The following KLHL29 variants were observed in gnomAD, a reference collection of about 807,000 sequenced individuals.
KLHL29 encodes kelch like family member 29.
In KLHL29, 21 loss-of-function variants were observed where a neutral mutation model predicts 80.4. That is an observed-to-expected ratio of 0.26 (90% confidence interval 0.19 to 0.38). The LOEUF is 0.38. KLHL29 is among the 10% of genes least tolerant of loss of function. The pLI is 1.00. For synonymous variants in KLHL29, 511 were observed against 526.8 expected (o/e 0.97, Z 0.41); for missense variants, 867 against 1,223.9 (o/e 0.71, Z 4.35).
chr2:23,693,457 A>G lies in KLHL29; in HGVS notation c.1471A>G (p.Thr491Ala). Residue 491 changes from threonine (T) to alanine (A), a missense_variant, in exon 8 of 14, where the codon ACC becomes GCC. By Grantham distance (58) the Thr-to-Ala change is moderately conservative (BLOSUM62 0). Around this residue, in one of 2 missense-constraint regions of KLHL29, gnomAD observed 443 missense variants for 767.0 expected, o/e 0.58. Transcript: ENST00000486442. Reference sequence around the variant, plus strand: ...CTACGTCTCCAACGACAGCCTCAACACCAAGGCTGAGGAGCTGGTGTACGA... The same window carrying G: ...CTACGTCTCCAACGACAGCCTCAACGCCAAGGCTGAGGAGCTGGTGTACGA... ...IAYVSNDSLN[T>A]KAEELVYETV... 6.4e-7 allele frequency: 1 copy of G among 1,551,590 alleles called. No homozygotes were observed. The highest frequency in any genetic ancestry group is 8.7e-7 in the Non-Finnish European group (1 of 1,146,920).
intron 2 of KLHL29, among the ~76,000 whole-genome samples, chr2:23,539,524 C>A (rs897430728): frequency 6.6e-6 from 1 of 150,406 alleles, no homozygotes; most frequent in Non-Finnish European, 1.5e-5. Context: ...TCACTGTAAC[C>A]TCCGCCTCCC....
intron 2 of KLHL29, among the ~76,000 whole-genome samples, chr2:23,506,277 C>T (rs1268595702): frequency 1.3e-5 from 2 of 152,162 alleles, no homozygotes; most frequent in African/African-American, 2.4e-5. Flanking sequence ...CTTATCTTCG[C>T]GAAGTTGAAG....
intron 3 of KLHL29, among the ~76,000 whole-genome samples, chr2:23,580,275 G>A (rs1466357945): frequency 1.3e-5 from 2 of 152,122 alleles, no homozygotes; most frequent in African/African-American, 4.8e-5. Context: ...TGGAGGCTGA[G>A]GCAGGAGAAT....
At chr2:23,683,491 T>C (rs1328726234) in intron 5 of KLHL29, among the ~76,000 whole-genome samples, 2 of 152,196 alleles carry the variant, frequency 1.3e-5, no homozygotes, top group African/African-American at 4.8e-5. Context: ...ACAGGGTGAC[T>C]GGCAGGCTCT....
In KLHL29 at chr2:23,503,323, C is replaced by T. The variant is rs1205640549; in HGVS notation, c.-46+27656C>T. Among the ~76,000 whole-genome samples the T allele has an allele frequency of 6.6e-6, 1 of 152,106 alleles. No homozygotes were observed. Among genetic ancestry groups the T allele is most frequent in the African/African-American group, 2.4e-5 (1 of 41,418 alleles). On this transcript the variant is annotated intron_variant, in intron 2 of 13. Coordinates refer to ENST00000486442, the MANE Select transcript of KLHL29 (RefSeq NM_052920.2). The surrounding 1 kb of genome is among the most constrained non-coding windows in gnomAD (Gnocchi z 4.0). Reference sequence around the variant, plus strand: ...CTGTGTCTCGGTTGCCCCATCTGAGCGAGAGGCTGGACTAAAAGGTCACTA... The same window carrying T: ...CTGTGTCTCGGTTGCCCCATCTGAGTGAGAGGCTGGACTAAAAGGTCACTA...
intron 1 of KLHL29, among the ~76,000 whole-genome samples, chr2:23,458,670 T>C (rs1446925349): frequency 6.6e-6 from 1 of 152,234 alleles, no homozygotes; most frequent in Non-Finnish European, 1.5e-5. Flanking sequence ...CTGCTTTTGT[T>C]GGCATCAGAA....
chr2:23,476,145 G>A (rs747110133), intron 2 of KLHL29, among the ~76,000 whole-genome samples: 8 of 152,018 alleles, frequency 5.3e-5, no homozygotes, highest in African/African-American at 1.9e-4. Context: ...AAAGCGCTGC[G>A]ATTGTAGGCG....
chr2:23,409,504 T>C lies in KLHL29; in HGVS notation c.-154+23724T>C, dbSNP rs190909038. Among the ~76,000 whole-genome samples the C allele has an allele frequency of 5.3e-5, 8 of 152,346 alleles. No homozygotes were observed. In the East Asian group the frequency reaches 1.5e-3, roughly 29 times the overall value. ...TTACTCTTTGCTTTTTATGCCAGTT[T>C]GGGAAGGTTGTTTTTCTCCCACTTG... On this transcript the variant is annotated intron_variant, in intron 1 of 13. Coordinates refer to ENST00000486442, the MANE Select transcript of KLHL29 (RefSeq NM_052920.2).
intron 2 of KLHL29, among the ~76,000 whole-genome samples, chr2:23,542,358 G>T (rs962544181): frequency 2.0e-5 from 3 of 152,096 alleles, no homozygotes; most frequent in African/African-American, 7.2e-5. Context: ...CAGATGAGAG[G>T]GCTCCATCTG....
chr2:23,402,047 G>A lies in KLHL29; in HGVS notation c.-154+16267G>A, dbSNP rs116349237. Among the ~76,000 whole-genome samples the A allele has an allele frequency of 7.6e-3, 1,154 of 152,262 alleles. 4 individuals carry two copies. The highest frequency in any genetic ancestry group is 0.013 in the Non-Finnish European group (882 of 68,022). The stretch of plus-strand genomic sequence containing the variant: ...GGCACATTTTGCACTTTCAACAGTC[G>A]AGGGGCAGAAAAAGAGAATTACCAT... On this transcript the variant is annotated intron_variant, in intron 1 of 13. Coordinates refer to ENST00000486442, the MANE Select transcript of KLHL29 (RefSeq NM_052920.2).
At chr2:23,667,265 G>A (rs1180814402) in intron 5 of KLHL29, 1 of 152,242 alleles carries the variant, frequency 6.6e-6, no homozygotes, top group Non-Finnish European at 1.5e-5. Context: ...TCTTTGAGCT[G>A]TCGTTCCTTA....
chr2:23,581,828 CAA>C (rs58233449), intron 3 of KLHL29, among the ~76,000 whole-genome samples: 2 of 82,896 alleles, frequency 2.4e-5, no homozygotes, highest in Non-Finnish European at 4.4e-5. Context: ...AACTCTGCCT[CAA>C]AAAAAAAAAA....
chr2:23,575,390 C>A (rs1188651671), intron 3 of KLHL29, among the ~76,000 whole-genome samples: 1 of 152,222 alleles, frequency 6.6e-6, no homozygotes, highest in Non-Finnish European at 1.5e-5. Flanking sequence ...CAGTCAGCAA[C>A]CATTCTAAGA....
chr2:23,523,320 C>G (rs1666165734), intron 2 of KLHL29, among the ~76,000 whole-genome samples: 1 of 152,222 alleles, frequency 6.6e-6, no homozygotes, highest in Admixed American at 6.5e-5. Context: ...TATGATCCTT[C>G]CTCTATTCTA....
rs186090203 is a variant in KLHL29, at chr2:23,681,191, G to A, written c.941-3208G>A. Among the ~76,000 whole-genome samples, 32 of 152,332 alleles carry A rather than the reference G, an allele frequency of 2.1e-4. No individual in the cohort carries two copies. Among genetic ancestry groups the A allele is most frequent in the Non-Finnish European group, 4.1e-4 (28 of 68,028 alleles). On this transcript the variant is annotated intron_variant, in intron 5 of 13. Transcript: ENST00000486442. This position sits in a 1 kb window ranked among gnomAD's most constrained non-coding sequence, Gnocchi z 4.2. ...AGCAGCCCGCACACACCAGCCAATC[G>A]ATACTAGGAATGCACTTGGGGCCTG...
intron 2 of KLHL29, among the ~76,000 whole-genome samples, chr2:23,486,440 T>C (rs1262907717): frequency 1.3e-5 from 2 of 151,874 alleles, no homozygotes; most frequent in African/African-American, 2.4e-5. Context: ...TGTTTTTATC[T>C]GCATCATGAG....
chr2:23,403,132 T>A (rs1425398811), intron 1 of KLHL29, among the ~76,000 whole-genome samples: 1 of 152,120 alleles, frequency 6.6e-6, no homozygotes, highest in Admixed American at 6.5e-5. Flanking sequence ...TTCTGGTTTT[T>A]AAAATAATAA....
intron 11 of KLHL29, among the ~76,000 whole-genome samples, chr2:23,699,623 CT>C (rs1672231025): frequency 6.6e-6 from 1 of 152,176 alleles, no homozygotes; most frequent in Non-Finnish European, 1.5e-5. Context: ...TCACTTCATC[CT>C]TTTCCTCTGC....
chr2:23,387,044 C>A (rs1249762326), intron 1 of KLHL29, among the ~76,000 whole-genome samples: 2 of 151,882 alleles, frequency 1.3e-5, no homozygotes. Context: ...GAGCTGCCGC[C>A]GCCGCCGCTG....
Sources: allele counts gnomAD v4.1 joint callset (sites outside exome capture counted in the v4.1 genomes callset), GRCh38; gene constraint gnomAD v4.1.1; regional missense constraint gnomAD v4.1.1; non-coding constraint Gnocchi (gnomAD v3.1); transcripts MANE v1.5; gene names NCBI Gene and HGNC (gene_info 2026-07-23, HGNC 2026-07-21).